The following MGAT4C variants were observed in gnomAD, a reference collection of about 807,000 sequenced individuals.
MGAT4C encodes alpha-1,3-mannosyl-glycoprotein 4-beta-N-acetylglucosaminyltransferase C.
A neutral mutation model predicts 40.1 loss-of-function variants in MGAT4C; 19 were observed. The ratio of observed to expected loss-of-function variants is 0.47; its 90% confidence interval spans 0.33 to 0.70. MGAT4C has a LOEUF of 0.70. Ranked by LOEUF, MGAT4C falls within the 30% of genes least tolerant of loss-of-function variation. MGAT4C has a pLI of 0.02. For synonymous variants in MGAT4C, 181 were observed against 187.1 expected, an observed-to-expected ratio of 0.97 and a Z score of 0.27; for missense variants, 491 against 563.2, an observed-to-expected ratio of 0.87 and a Z score of 1.30.
chr12:86,471,154 G>A (rs534365985), intron 2 of MGAT4C, among the ~76,000 whole-genome samples: 16 of 151,992 alleles, frequency 1.1e-4, no homozygotes, highest in African/African-American at 3.6e-4. Flanking sequence ...CTAACACCAG[G>A]GGGAAATATG....
intron 2 of MGAT4C, among the ~76,000 whole-genome samples, chr12:86,455,733 A>G (rs1957498565): frequency 6.6e-6 from 1 of 152,102 alleles, no homozygotes; most frequent in Non-Finnish European, 1.5e-5. Flanking sequence ...TGTAGGCAAA[A>G]ATGTGGGATA....
intron 1 of MGAT4C, among the ~76,000 whole-genome samples, chr12:86,774,347 C>T (rs937753185): frequency 0.01 from 439 of 42,036 alleles, 14 homozygotes; most frequent in South Asian, 0.023. Flanking sequence ...TTCTGTCTCT[C>T]TCTCTCCCCT....
At chr12:86,392,103 C>T (rs1956170826) in intron 3 of MGAT4C, among the ~76,000 whole-genome samples, 1 of 152,032 alleles carries the variant, frequency 6.6e-6, no homozygotes, top group Middle Eastern at 3.2e-3. Flanking sequence ...GTAAACTTTA[C>T]AATGTAACAG....
At chr12:86,337,550 C>T (rs769743298) in intron 3 of MGAT4C, among the ~76,000 whole-genome samples, 26 of 143,472 alleles carry the variant, frequency 1.8e-4, no homozygotes, top group Admixed American at 5.7e-4. Flanking sequence ...AGTGCCATTG[C>T]ACTCCAGTCT....
At chr12:86,775,421 T>C (rs905865668) in intron 1 of MGAT4C, among the ~76,000 whole-genome samples, 8 of 150,454 alleles carry the variant, frequency 5.3e-5, no homozygotes, top group Non-Finnish European at 1.2e-4. Context: ...AAAATATTTA[T>C]AAATAAATAC....
At chr12:85,987,359 G>A (rs1259115072) in intron 3 of MGAT4C, among the ~76,000 whole-genome samples, 1 of 151,320 alleles carries the variant, frequency 6.6e-6, no homozygotes, top group East Asian at 1.9e-4. Flanking sequence ...GGATGGTCTC[G>A]ATCTCCTGAC....
chr12:86,640,772 GA>G (rs1386788083), intron 2 of MGAT4C, among the ~76,000 whole-genome samples: 2 of 151,736 alleles, frequency 1.3e-5, no homozygotes, highest in African/African-American at 4.8e-5. Context: ...ACACTGCTTT[GA>G]ATGTGTCCCA....
chr12:86,589,068 G>A (rs1961200738), intron 2 of MGAT4C, among the ~76,000 whole-genome samples: 1 of 151,000 alleles, frequency 6.6e-6, no homozygotes, highest in Non-Finnish European at 1.5e-5. Flanking sequence ...AGAACTGAAG[G>A]AAATAGAGAC....
intron 4 of MGAT4C, among the ~76,000 whole-genome samples, chr12:86,291,023 G>A (rs1953498338): frequency 1.3e-5 from 2 of 152,280 alleles, no homozygotes; most frequent in African/African-American, 4.8e-5. Context: ...CAGCTGAACA[G>A]TGTATCATAT....
chr12:86,730,535 A>G (rs994524233), intron 1 of MGAT4C, among the ~76,000 whole-genome samples: 1 of 152,090 alleles, frequency 6.6e-6, no homozygotes, highest in Non-Finnish European at 1.5e-5. Context: ...CGTATTCTAA[A>G]ATACCCAGAA....
chr12:86,039,644 G>A (rs950588369), intron 2 of MGAT4C, among the ~76,000 whole-genome samples: 1 of 151,998 alleles, frequency 6.6e-6, no homozygotes, highest in African/African-American at 2.4e-5. Context: ...AAGGCTCTTA[G>A]CTTCCTTGCA....
intron 2 of MGAT4C, among the ~76,000 whole-genome samples, chr12:86,617,718 A>G (rs77082486): frequency 1.3e-5 from 2 of 151,518 alleles, no homozygotes; most frequent in Non-Finnish European, 2.9e-5. Context: ...AAAAAAAACT[A>G]AAACAATAAA....
chr12:86,013,658 G>A (rs191255382), intron 2 of MGAT4C: 53 of 821,950 alleles, frequency 6.4e-5, no homozygotes, highest in Admixed American at 1.3e-4. Context: ...CTATTCTTTC[G>A]TACCATTTAA....
intron 3 of MGAT4C, among the ~76,000 whole-genome samples, chr12:86,418,530 G>T (rs1956763020): frequency 6.6e-6 from 1 of 151,978 alleles, no homozygotes; most frequent in Non-Finnish European, 1.5e-5. Flanking sequence ...GGCGGAGTTT[G>T]CAGTGAGCCA....
chr12:86,625,641 C>A (rs1390190921), intron 2 of MGAT4C, among the ~76,000 whole-genome samples: 2 of 152,032 alleles, frequency 1.3e-5, no homozygotes, highest in Non-Finnish European at 2.9e-5. Flanking sequence ...AGCATACTAA[C>A]AGATATATTG....
At chr12:86,768,097 T>C (rs1411509614) in intron 1 of MGAT4C, among the ~76,000 whole-genome samples, 1 of 152,198 alleles carries the variant, frequency 6.6e-6, no homozygotes. Context: ...GCAGATGACA[T>C]GATTGTATAT....
At chr12:86,611,741 A>G (rs1168165971) in intron 2 of MGAT4C, among the ~76,000 whole-genome samples, 1 of 152,100 alleles carries the variant, frequency 6.6e-6, no homozygotes, top group East Asian at 1.9e-4. Context: ...AAATTTATTT[A>G]TTGTTATACT....
intron 3 of MGAT4C, among the ~76,000 whole-genome samples, chr12:86,407,113 T>C (rs1956489933): frequency 6.6e-6 from 1 of 152,132 alleles, no homozygotes. Flanking sequence ...TTTATTGGCA[T>C]GATATAAAAG....
At chr12:86,399,715 G>A (rs1956322809) in intron 3 of MGAT4C, among the ~76,000 whole-genome samples, 1 of 152,174 alleles carries the variant, frequency 6.6e-6, no homozygotes, top group Non-Finnish European at 1.5e-5. Flanking sequence ...ACAGGAAGGT[G>A]AACAGGAACT....
Sources: gnomAD v4.1 joint callset for allele counts (sites outside exome capture counted in the v4.1 genomes callset) on GRCh38, gnomAD v4.1.1 for gene constraint, MANE v1.5 for transcripts, NCBI Gene and HGNC (gene_info 2026-07-23, HGNC 2026-07-21) for gene names.